ZZZ3: variants seen among roughly 807,000 people sequenced by gnomAD.
ZZZ3 encodes ZZ-type zinc finger-containing protein 3.
In ZZZ3, 22 loss-of-function variants were observed where a neutral mutation model predicts 95.2. That is an observed-to-expected ratio of 0.23 (90% CI 0.17 to 0.33). ZZZ3 has a LOEUF of 0.33. Ranked by LOEUF, ZZZ3 falls within the 10% of genes least tolerant of loss-of-function variation. The probability of loss-of-function intolerance (pLI) is 1.00; values close to 1 mark genes in which losing one functional copy is unlikely to be tolerated. For synonymous variants in ZZZ3, 335 were observed against 358.9 expected, an observed-to-expected ratio of 0.93 and a Z score of 0.75; for missense variants, 885 against 1,066.5, an observed-to-expected ratio of 0.83 and a Z score of 2.37.
chr1:77,589,878 A>G (rs1036841547), intron 5 of ZZZ3, among the ~76,000 whole-genome samples: 6 of 152,194 alleles, frequency 3.9e-5, no homozygotes, highest in Admixed American at 3.3e-4. Flanking sequence ...AAACAGAAGG[A>G]AAGATTTTAT....
At chr1:77,652,074 A>T (rs1272496877) in intron 1 of ZZZ3, among the ~76,000 whole-genome samples, 4 of 152,096 alleles carry the variant, frequency 2.6e-5, no homozygotes, top group Non-Finnish European at 5.9e-5. Context: ...ATTCTGCCAC[A>T]ATTAAAACAT....
intron 5 of ZZZ3, among the ~76,000 whole-genome samples, chr1:77,589,836 C>T (rs777543506): frequency 2.0e-5 from 3 of 152,008 alleles, no homozygotes; most frequent in South Asian, 2.1e-4. Flanking sequence ...GGAAGGAAGG[C>T]GTGCAGGAGG....
At chr1:77,567,345 C>T (rs188810972) in intron 13 of ZZZ3, among the ~76,000 whole-genome samples, 210 of 152,294 alleles carry the variant, frequency 1.4e-3, no homozygotes, top group African/African-American at 4.5e-3. Context: ...GTCTTGCCTT[C>T]CTCTAATTAA....
At chr1:77,619,503 T>C (rs1050344428) in intron 5 of ZZZ3, among the ~76,000 whole-genome samples, 8 of 152,068 alleles carry the variant, frequency 5.3e-5, no homozygotes, top group Non-Finnish European at 1.2e-4. Flanking sequence ...ACAACCACAA[T>C]CAAATTCTTA....
intron 1 of ZZZ3, among the ~76,000 whole-genome samples, chr1:77,664,488 C>T (rs971838465): frequency 1.3e-5 from 2 of 152,142 alleles, no homozygotes; most frequent in Non-Finnish European, 2.9e-5. Context: ...AGGAATAGAG[C>T]AATACATTTT....
At chr1:77,614,220 C>G (rs1192142828) in intron 5 of ZZZ3, among the ~76,000 whole-genome samples, 2 of 152,164 alleles carry the variant, frequency 1.3e-5, no homozygotes, top group Non-Finnish European at 2.9e-5. Flanking sequence ...TATCAAGATA[C>G]ATCCAATGCT....
intron 1 of ZZZ3, among the ~76,000 whole-genome samples, chr1:77,673,793 C>T (rs1417156000): frequency 1.3e-5 from 2 of 151,766 alleles, no homozygotes; most frequent in Non-Finnish European, 2.9e-5. Flanking sequence ...AGTAAAGTGG[C>T]TTAAACTTAA....
At chr1:77,589,518 G>A (rs1663455911) in intron 5 of ZZZ3, among the ~76,000 whole-genome samples, 1 of 151,602 alleles carries the variant, frequency 6.6e-6, no homozygotes, top group South Asian at 2.1e-4. Flanking sequence ...GCTCACTGCG[G>A]CCTCAAACTC....
At chr1:77,578,003 A>G (rs1253436077) in intron 11 of ZZZ3, among the ~76,000 whole-genome samples, 2 of 152,156 alleles carry the variant, frequency 1.3e-5, no homozygotes, top group African/African-American at 4.8e-5. Context: ...AGAAAAGTGG[A>G]AAAAGTGTGG....
At position 77,657,458 on chromosome 1, in the gene ZZZ3, G is replaced by A. The variant is rs181576360; in HGVS notation, c.-402-15803C>T. ...TAAAAAAAAAAGTGGGAAAGATGTA[G>A]CACTAAGTAAATAGACAAGAGAGCT... On this transcript the variant is annotated intron_variant, in intron 1 of 14. Coordinates refer to ENST00000370801, the MANE Select transcript of ZZZ3 (RefSeq NM_015534.6). Among the ~76,000 whole-genome samples the A allele has an allele frequency of 3.5e-3, 526 of 152,236 alleles. 3 individuals are homozygous for A. The highest frequency in any genetic ancestry group is 0.02 in the Middle Eastern group (6 of 294).
intron 12 of ZZZ3, among the ~76,000 whole-genome samples, chr1:77,570,087 T>A (rs1384925262): frequency 6.6e-6 from 1 of 152,198 alleles, no homozygotes; most frequent in East Asian, 1.9e-4. Flanking sequence ...GAAATCTAAG[T>A]GTTATCCTCA....
intron 5 of ZZZ3, among the ~76,000 whole-genome samples, chr1:77,610,764 T>C (rs536672257): frequency 1.1e-4 from 16 of 151,332 alleles, no homozygotes; most frequent in Non-Finnish European, 1.8e-4. Context: ...CATCCCTTCA[T>C]GATTAAAAAA....
chr1:77,674,707 T>A (rs924725278), intron 1 of ZZZ3, among the ~76,000 whole-genome samples: 1 of 152,106 alleles, frequency 6.6e-6, no homozygotes, highest in Non-Finnish European at 1.5e-5. Context: ...ATGTCAGCGC[T>A]TTCGGAGGCC....
chr1:77,568,278 C>A, intron 13 of ZZZ3, 54 bp downstream of exon 13: 1 of 1,442,456 alleles, frequency 6.9e-7, no homozygotes, highest in Non-Finnish European at 9.4e-7. Flanking sequence ...GACTCTGTCT[C>A]TAAATAAATA....
At chr1:77,567,439 T>C (rs377200275) in intron 13 of ZZZ3, among the ~76,000 whole-genome samples, 3 of 152,182 alleles carry the variant, frequency 2.0e-5, no homozygotes, top group South Asian at 2.1e-4. Context: ...TCACCCCCAA[T>C]AGTTTAAGTA....
chr1:77,581,823 T>C lies in ZZZ3; in HGVS notation c.1861A>G (p.Met621Val), dbSNP rs200975651. The change falls in exon 8 of 15, where the codon ATG (methionine) becomes GTG (valine). Residue 621 changes from methionine (M) to valine (V), a missense_variant. By Grantham distance (21) the Met-to-Val change is conservative. This residue lies in a region of ZZZ3 where 99 missense variants were observed against 119.8 expected (regional missense o/e 0.83). Coordinates refer to ENST00000370801, the MANE Select transcript of ZZZ3 (RefSeq NM_015534.6). Reference sequence around the variant, plus strand: ...TCTGGACCATCACTCAAAGGCAACATAGAATATGAAAGGGACTCTCCATCC... The same window carrying C: ...TCTGGACCATCACTCAAAGGCAACACAGAATATGAAAGGGACTCTCCATCC... ...KKDGESLSYSMLPLSDGPEGS... is the reference protein window; with the variant it reads ...KKDGESLSYSVLPLSDGPEGS... 32 of 1,614,054 alleles carry C rather than the reference T, an allele frequency of 2.0e-5. 1 individual carries two copies. In the Admixed American group the frequency reaches 2.3e-4, roughly 12 times the overall value.
intron 1 of ZZZ3, among the ~76,000 whole-genome samples, chr1:77,664,471 T>C (rs1220286150): frequency 6.6e-6 from 1 of 152,234 alleles, no homozygotes; most frequent in Non-Finnish European, 1.5e-5. Flanking sequence ...AATTATAGGC[T>C]CCTCGAAGGA....
chr1:77,633,016 T>G lies in ZZZ3; in HGVS notation c.339A>C (p.Ser113=). The G allele has an allele frequency of 6.2e-7, 1 of 1,614,014 alleles. No homozygotes were observed. Among genetic ancestry groups the G allele is most frequent in the Non-Finnish European group, 8.5e-7 (1 of 1,180,012 alleles). ...AACGCTTAATTCTTTTTAAAACTGGTGAAACAGGTTCTGTTTGCCTTCTCT... is the reference window on the plus strand; with the variant it reads ...AACGCTTAATTCTTTTTAAAACTGGGGAAACAGGTTCTGTTTGCCTTCTCT... ...NCERRQTEPV[S]PVLKRIKRCL... is the part of the protein sequence containing the mutation. Residue 113 remains serine, a synonymous_variant, in exon 5 of 15, where the codon TCA becomes TCC. Transcript: ENST00000370801.
In ZZZ3 at chr1:77,636,709, A is replaced by C. The variant is rs949572986; in HGVS notation, c.-52+2740T>G. Among the ~76,000 whole-genome samples, 40 of 149,708 alleles carry C rather than the reference A, an allele frequency of 2.7e-4. 1 individual carries two copies. Among genetic ancestry groups the C allele is most frequent in the Non-Finnish European group, 4.9e-4 (33 of 67,190 alleles). On this transcript the variant is annotated intron_variant, in intron 4 of 14. Transcript: ENST00000370801. The stretch of plus-strand genomic sequence containing the variant: ...ATGGGAGCAAGGCCCTGTCTTGAAA[A>C]AAAAAAAAAAAAAAAAAAAATCACG...
Sources: allele counts gnomAD v4.1 joint callset (sites outside exome capture counted in the v4.1 genomes callset), GRCh38; gene constraint gnomAD v4.1.1; regional missense constraint gnomAD v4.1.1; transcripts MANE v1.5; gene names NCBI Gene and HGNC (gene_info 2026-07-23, HGNC 2026-07-21).